Variants in STIM1 observed in about 807,000 individuals in gnomAD.
STIM1 encodes the protein stromal interaction molecule 1.
Under a neutral mutation model 74.7 loss-of-function variants are expected in STIM1, and 25 were observed. That is an observed-to-expected ratio of 0.33 (90% CI 0.24 to 0.47). The LOEUF (loss-of-function observed/expected upper bound fraction) is 0.47, where lower values mean the gene tolerates loss of function less well. Ranked by LOEUF, STIM1 falls within the 20% of genes least tolerant of loss-of-function variation. The pLI is 1.00. For synonymous variants in STIM1, 328 were observed against 348.8 expected, an observed-to-expected ratio of 0.94 and a Z score of 0.66; for missense variants, 728 against 920.8, an observed-to-expected ratio of 0.79 and a Z score of 2.71.
intron 3 of STIM1, among the ~76,000 whole-genome samples, chr11:4,030,369 G>A (rs2094039745): frequency 6.6e-6 from 1 of 151,248 alleles, no homozygotes; most frequent in African/African-American, 2.4e-5. Context: ...GCACCCAGCA[G>A]AGCTGCTGAC....
intron 1 of STIM1, among the ~76,000 whole-genome samples, chr11:3,943,230 C>T (rs1554959722): frequency 6.6e-6 from 1 of 152,166 alleles, no homozygotes; most frequent in Non-Finnish European, 1.5e-5. Flanking sequence ...AGTCAACTTG[C>T]TTCCACAGAA....
chr11:4,051,790 G>A (rs1429008697), intron 3 of STIM1, among the ~76,000 whole-genome samples: 3 of 152,106 alleles, frequency 2.0e-5, no homozygotes, highest in Admixed American at 6.6e-5. Context: ...GGGACTCTAG[G>A]TGTGCACCAC....
At chr11:3,889,937 G>A (rs1347952434) in intron 1 of STIM1, among the ~76,000 whole-genome samples, 1 of 152,082 alleles carries the variant, frequency 6.6e-6, no homozygotes, top group African/African-American at 2.4e-5. Context: ...AAGCAAAGAC[G>A]GGCCTTTTTA....
intron 3 of STIM1, among the ~76,000 whole-genome samples, chr11:4,037,323 T>A (rs914562644): frequency 1.1e-4 from 17 of 152,204 alleles, no homozygotes; most frequent in Admixed American, 7.9e-4. Flanking sequence ...AGTACTGGAA[T>A]TACAGGCGTG....
intron 3 of STIM1, among the ~76,000 whole-genome samples, chr11:4,054,891 A>G (rs1012755753): frequency 3.9e-5 from 6 of 152,192 alleles, no homozygotes; most frequent in African/African-American, 7.2e-5. Flanking sequence ...CTGAAGCCCT[A>G]GGCAGTTATT....
At chr11:4,074,398 T>C in intron 6 of STIM1, 104 bp from the exon 7 acceptor site, 1 of 1,368,222 alleles carries the variant, frequency 7.3e-7, no homozygotes, top group Non-Finnish European at 1.0e-6. Context: ...GAATATATGC[T>C]GAGAGTTGGA....
chr11:4,001,289 T>C (rs1159665004), intron 2 of STIM1, among the ~76,000 whole-genome samples: 1 of 151,490 alleles, frequency 6.6e-6, no homozygotes, highest in Non-Finnish European at 1.5e-5. Context: ...AATTGTCAGA[T>C]TCACCAAAGT....
intron 3 of STIM1, among the ~76,000 whole-genome samples, chr11:4,052,052 A>G (rs1489353115): frequency 6.6e-6 from 1 of 152,228 alleles, no homozygotes; most frequent in Non-Finnish European, 1.5e-5. Context: ...CTTACAAGGG[A>G]TGTGAAGCAC....
At chr11:3,940,985 A>C (rs559412687) in intron 1 of STIM1, among the ~76,000 whole-genome samples, 1 of 152,276 alleles carries the variant, frequency 6.6e-6, no homozygotes, top group East Asian at 1.9e-4. Context: ...TCTATATGCC[A>C]CCACTTAGTT....
intron 1 of STIM1, among the ~76,000 whole-genome samples, chr11:3,967,246 G>A (rs562826403): frequency 3.9e-5 from 6 of 152,268 alleles, no homozygotes; most frequent in Admixed American, 6.5e-5. Flanking sequence ...GGCTATTTAT[G>A]TTTTCTCTCA....
intron 2 of STIM1, among the ~76,000 whole-genome samples, chr11:4,023,086 T>C (rs7942028): frequency 0.042 from 6,355 of 152,216 alleles, 412 homozygotes; most frequent in African/African-American, 0.14. Context: ...ATCCTAGCAC[T>C]TTCGGAGACC....
intron 6 of STIM1, among the ~76,000 whole-genome samples, chr11:4,072,876 A>G (rs2094412636): frequency 6.6e-6 from 1 of 152,136 alleles, no homozygotes; most frequent in Non-Finnish European, 1.5e-5. Context: ...CTATGCATAT[A>G]TCGCCATCTG....
intron 1 of STIM1, among the ~76,000 whole-genome samples, chr11:3,870,579 C>T (rs1050940711): frequency 5.9e-5 from 9 of 152,292 alleles, no homozygotes; most frequent in Admixed American, 6.5e-5. Context: ...CCACTGCAGC[C>T]TCCACCTCCC....
chr11:4,058,303 C>T (rs1486195563), intron 4 of STIM1, among the ~76,000 whole-genome samples: 1 of 152,190 alleles, frequency 6.6e-6, no homozygotes, highest in Admixed American at 6.5e-5. Context: ...ACCACTCCCA[C>T]ACCCCATCAC....
At chr11:3,989,806 A>T (rs1026724329) in intron 2 of STIM1, among the ~76,000 whole-genome samples, 11 of 152,336 alleles carry the variant, frequency 7.2e-5, no homozygotes, top group Non-Finnish European at 1.5e-4. Context: ...ATGGACCACC[A>T]GGCCTAAAAT....
intron 2 of STIM1, among the ~76,000 whole-genome samples, chr11:3,991,373 G>A (rs1275638631): frequency 6.6e-6 from 1 of 151,148 alleles, no homozygotes; most frequent in African/African-American, 2.4e-5. Flanking sequence ...GTTTTGCCAT[G>A]TTGCCTGGGC....
chr11:3,947,341 A>G (rs2093090055), intron 1 of STIM1: 1 of 152,144 alleles, frequency 6.6e-6, no homozygotes, highest in South Asian at 2.1e-4. Context: ...CAAAGTGAGC[A>G]CCAATTTGAG....
intron 3 of STIM1, among the ~76,000 whole-genome samples, chr11:4,030,225 A>T (rs904450294): frequency 2.0e-5 from 3 of 151,412 alleles, no homozygotes; most frequent in African/African-American, 7.3e-5. Flanking sequence ...GCTACTCGGG[A>T]GGCTGAGGCT....
chr11:3,869,330 C>T (rs1394849393), intron 1 of STIM1, among the ~76,000 whole-genome samples: 1 of 152,164 alleles, frequency 6.6e-6, no homozygotes, highest in East Asian at 1.9e-4. Context: ...TTAGTTAATC[C>T]TCACATCGGG....
Sources: gnomAD v4.1 joint callset for allele counts (sites outside exome capture counted in the v4.1 genomes callset) on GRCh38, gnomAD v4.1.1 for gene constraint, MANE v1.5 for transcripts, NCBI Gene and HGNC (gene_info 2026-07-23, HGNC 2026-07-21) for gene names.